WNT5A: variants seen among roughly 807,000 people sequenced by gnomAD.
WNT5A encodes Wnt family member 5A, also known as protein Wnt-5a.
Under a neutral mutation model 42.1 loss-of-function variants are expected in WNT5A, and 9 were observed. That is an observed-to-expected ratio of 0.21 (90% CI 0.13 to 0.37). WNT5A has a LOEUF of 0.37. Among genes scored for constraint, WNT5A ranks in the 10% least tolerant of loss-of-function variants. WNT5A has a pLI of 1.00. For synonymous variants in WNT5A, 210 were observed against 210.0 expected (o/e 1.00, Z 0.00); for missense variants, 426 against 534.0 (o/e 0.80, Z 1.99).
intron 4 of WNT5A, among the ~76,000 whole-genome samples, chr3:55,472,370 T>C (rs2051268319): frequency 1.3e-5 from 2 of 152,194 alleles, no homozygotes; most frequent in Admixed American, 1.3e-4. Context: ...GAATATCAAA[T>C]ATGGGCATAC....
Position 55,474,074 on chromosome 3 carries a change from G to C in WNT5A, c.684+263C>G, listed in dbSNP as rs9818631. Among the ~76,000 whole-genome samples the C allele has an allele frequency of 4.1e-4, 63 of 152,038 alleles. 1 individual carries two copies. The highest frequency in any genetic ancestry group is 4.1e-3 in the Admixed American group (63 of 15,274). Reference sequence around the variant, plus strand: ...GATGGAGGAAAGAGAGGTAGACAAAGGGGGAGAAGAGAGAGACCGGGAAGG... The same window carrying C: ...GATGGAGGAAAGAGAGGTAGACAAACGGGGAGAAGAGAGAGACCGGGAAGG... On this transcript the variant is annotated intron_variant, in intron 4 of 4. Coordinates refer to ENST00000264634, the MANE Select transcript of WNT5A (RefSeq NM_003392.7).
At chr3:55,475,028 A>G (rs893031853) in intron 3 of WNT5A, among the ~76,000 whole-genome samples, 2 of 152,120 alleles carry the variant, frequency 1.3e-5, no homozygotes, top group East Asian at 3.9e-4. Flanking sequence ...GGGGAAGCCA[A>G]GCAAGATCCC....
In WNT5A at chr3:55,474,513, G is replaced by C; in HGVS notation, c.508C>G (p.Pro170Ala). The C allele has an allele frequency of 6.4e-7, 1 of 1,562,358 alleles. No individual in the cohort carries two copies. The highest frequency in any genetic ancestry group is 8.6e-7 in the Non-Finnish European group (1 of 1,157,158). ...STCGCSRAAR[P>A]KDLPRDWLWG... ...AGCCAGTCCCGCGGCAGGTCCTTGG[G>C]GCGCGCGGCGCGGCTGCAGCCGCAG... Residue 170 changes from proline (P) to alanine (A), a missense_variant, in exon 4 of 5, where the codon CCC (proline) becomes GCC (alanine). Transcript: ENST00000264634.
chr3:55,491,244 G>A (rs982059725), upstream of WNT5A, among the ~76,000 whole-genome samples: 2 of 152,220 alleles, frequency 1.3e-5, no homozygotes, highest in African/African-American at 4.8e-5. Flanking sequence ...CCATGATGGT[G>A]TTGATTGGTT....
At chr3:55,499,965 A>C in the WNT5A span, among the ~76,000 whole-genome samples, 5 of 129,306 alleles carry the variant, frequency 3.9e-5, no homozygotes, top group Admixed American at 1.6e-4. Flanking sequence ...ACAGAACGAG[A>C]CTCCATCCCC....
chr3:55,478,794 A>C (rs2051402607), intron 3 of WNT5A, among the ~76,000 whole-genome samples: 1 of 152,210 alleles, frequency 6.6e-6, no homozygotes, highest in African/African-American at 2.4e-5. Flanking sequence ...TGGGACTAAA[A>C]ATAAAGCTTT....
chr3:55,474,311 G>C, intron 4 of WNT5A, 26 bp downstream of exon 4: 1 of 1,612,068 alleles, frequency 6.2e-7, no homozygotes, highest in East Asian at 2.2e-5. Context: ...CAGAGATGCG[G>C]GGCGGGGGCG....
intron 4 of WNT5A, 111 bp downstream of exon 4, chr3:55,474,226 T>C (rs1249424754): frequency 4.4e-6 from 6 of 1,370,046 alleles, no homozygotes; most frequent in Non-Finnish European, 6.1e-6. Flanking sequence ...CAGGACCATA[T>C]AGCAAAGGAG....
At chr3:55,495,334 C>T (rs2051704665), upstream of WNT5A, among the ~76,000 whole-genome samples, 2 of 152,156 alleles carry the variant, frequency 1.3e-5, no homozygotes, top group East Asian at 1.9e-4. Flanking sequence ...ACCAACATCT[C>T]CTTAGACCTC....
In WNT5A at chr3:55,469,610, C is replaced by A. The variant is rs547062216; in HGVS notation, c.*482G>T. 1 of 153,152 alleles carries A rather than the reference C, an allele frequency of 6.5e-6. No individual in the cohort carries two copies. The highest frequency in any genetic ancestry group is 2.4e-5 in the African/African-American group (1 of 41,418). The allele number at this position is 153,152 out of a possible 1,614,324, so 9.5% of individuals were successfully genotyped here. On this transcript the variant is annotated 3_prime_UTR_variant, in exon 5 of 5. Coordinates refer to ENST00000264634, the MANE Select transcript of WNT5A (RefSeq NM_003392.7). ...GGTTTGTTTTGTTTTGTTTTGTTTT[C>A]CCAAGACCTTTTATCTTGCACCAGA...
At chr3:55,489,295 A>G (rs73075451), upstream of WNT5A, 829 of 16,744 alleles carry the variant, frequency 0.05, 12 homozygotes, top group Admixed American at 0.13. Context: ...ACACGCGCGC[A>G]CACACACACA....
At chr3:55,486,491 A>G (rs2107004483) in intron 1 of WNT5A, among the ~76,000 whole-genome samples, 1 of 152,272 alleles carries the variant, frequency 6.6e-6, no homozygotes, top group Non-Finnish European at 1.5e-5. Context: ...GCCGCTCTGG[A>G]GTAGTTGGCC....
chr3:55,482,303 C>T (rs1418567919), intron 1 of WNT5A, among the ~76,000 whole-genome samples: 1 of 152,196 alleles, frequency 6.6e-6, no homozygotes, highest in Non-Finnish European at 1.5e-5. Flanking sequence ...ACTTCTCCAC[C>T]TGTAGGCGGC....
In WNT5A at chr3:55,474,556, G is replaced by A. The variant is rs907052845; in HGVS notation, c.465C>T (p.Arg155=). The A allele has an allele frequency of 9.8e-6, 15 of 1,524,496 alleles. No individual in the cohort carries two copies. Among genetic ancestry groups the A allele is most frequent in the East Asian group, 2.4e-5 (1 of 41,038 alleles). 94.4% of individuals were successfully genotyped at this position (1,524,496 alleles called of 1,614,324 possible). A position where few individuals can be genotyped will look rare whatever the true frequency, so the allele number is the denominator to read the frequency against. ...GVVNAMSRAC[R]EGELSTCGCS... is the part of the protein sequence containing the mutation. ...AGCCGCAGGTGGACAGCTCGCCCTC[G>A]CGGCACGCCCGGCTCATGGCGTTCA... Residue 155 remains arginine (R), a synonymous_variant, in exon 4 of 5, where the codon CGC becomes CGT. Coordinates refer to ENST00000264634, the MANE Select transcript of WNT5A (RefSeq NM_003392.7).
chr3:55,500,133 G>A, the WNT5A span, among the ~76,000 whole-genome samples: 1 of 152,146 alleles, frequency 6.6e-6, no homozygotes, highest in Non-Finnish European at 1.5e-5. Context: ...CTGCCCTTCT[G>A]GAAATGAGAA....
intron 1 of WNT5A, among the ~76,000 whole-genome samples, chr3:55,481,738 G>A (rs1255244962): frequency 2.6e-5 from 4 of 152,114 alleles, no homozygotes; most frequent in Non-Finnish European, 5.9e-5. Flanking sequence ...CTGGAAAAGA[G>A]TGCCACCCTC....
Position 55,474,343 on chromosome 3 carries a change from G to T in WNT5A, c.678C>A (p.Gly226=). Reference sequence around the variant, plus strand: ...GGCGAGACGCGGCACTCACCCTGCGGCCGGCCTCGTTGTTGTGCAGGTTCA... The same window carrying T: ...GGCGAGACGCGGCACTCACCCTGCGTCCGGCCTCGTTGTTGTGCAGGTTCA... ...ILMNLHNNEA[G]RRTVYNLADV... Residue 226 remains glycine (G), a synonymous_variant, in exon 4 of 5, where the codon GGC becomes GGA. Transcript: ENST00000264634. 3.7e-6 allele frequency: 6 copies of T among 1,612,938 alleles called. No homozygotes were observed. The highest frequency in any genetic ancestry group is 5.1e-6 in the Non-Finnish European group (6 of 1,179,796).
the WNT5A span, among the ~76,000 whole-genome samples, chr3:55,503,898 A>T: frequency 6.6e-6 from 1 of 152,216 alleles, no homozygotes; most frequent in Non-Finnish European, 1.5e-5. Context: ...GCAGTGAGCT[A>T]TGATTGCACT....
At chr3:55,486,940 G>A in intron 1 of WNT5A, 40 bp downstream of exon 1, 4 of 1,546,384 alleles carry the variant, frequency 2.6e-6, no homozygotes, top group Non-Finnish European at 3.6e-6. Context: ...GGGGGTGGGG[G>A]GAAGTAAAGA....
Sources: allele counts gnomAD v4.1 joint callset (sites outside exome capture counted in the v4.1 genomes callset), GRCh38; gene constraint gnomAD v4.1.1; transcripts MANE v1.5; gene names NCBI Gene and HGNC (gene_info 2026-07-23, HGNC 2026-07-21).